ZNF333: variants seen among roughly 807,000 people sequenced by gnomAD.
The protein encoded by ZNF333 is zinc finger protein 333.
ZNF333 carries 61 observed loss-of-function variants against 76.1 expected under a neutral mutation model. That is an observed-to-expected ratio of 0.80 (90% confidence interval 0.65 to 0.99). ZNF333 has a LOEUF of 0.99. Ranked by LOEUF, ZNF333 falls within the 50% of genes least tolerant of loss-of-function variation. ZNF333 has a pLI of 0.00. For synonymous variants in ZNF333, 284 were observed against 305.0 expected (o/e 0.93, Z 0.72); for missense variants, 717 against 822.4 (o/e 0.87, Z 1.57).
At chr19:14,711,103 C>T (rs1269263019) in intron 7 of ZNF333, among the ~76,000 whole-genome samples, 1 of 152,146 alleles carries the variant, frequency 6.6e-6, no homozygotes, top group African/African-American at 2.4e-5. Flanking sequence ...GGATCTGCCC[C>T]CAAGTCCCGC....
chr19:14,717,739 G>A lies in ZNF333; in HGVS notation c.900+6G>A, dbSNP rs755830552. The A allele has an allele frequency of 7.4e-6, 12 of 1,613,028 alleles. No homozygotes were observed. In the African/African-American group the frequency reaches 1.6e-4, roughly 22 times the overall value. On this transcript the variant is annotated splice_donor_region_variant and intron_variant, in intron 11 of 11. Coordinates refer to ENST00000292530, the MANE Select transcript of ZNF333 (RefSeq NM_032433.4). ...TGTCCATTGATGTGAAAGGGGTAAG[G>A]CTCACCAGGGATTATTCATGGTTCT...
intron 7 of ZNF333, among the ~76,000 whole-genome samples, chr19:14,714,250 G>A (rs1000297069): frequency 5.9e-5 from 9 of 152,168 alleles, no homozygotes; most frequent in African/African-American, 2.2e-4. Flanking sequence ...ATTGGAAATA[G>A]GGTCTTTGCA....
rs1192121807 is a variant in ZNF333 at position 14,706,734 on chromosome 19, A to G, written c.472A>G (p.Thr158Ala). 1.2e-6 allele frequency: 2 copies of G among 1,614,010 alleles called. No individual in the cohort carries two copies. Among genetic ancestry groups the G allele is most frequent in the Non-Finnish European group, 1.7e-6 (2 of 1,179,998 alleles). The change falls in exon 7 of 12, where the codon ACT (threonine) becomes GCT (alanine). Residue 158 changes from threonine (T) to alanine (A), a missense_variant. Physicochemically the swap from Thr to Ala is moderately conservative, Grantham distance 58 (BLOSUM62 0). Coordinates refer to ENST00000292530, the MANE Select transcript of ZNF333 (RefSeq NM_032433.4). ...TCAGAGGGTGGTGATACCAGTGCCT[A>G]CTCTGGGCCACCGCAACCCATGGGT... is the stretch of plus-strand genomic sequence containing the variant. ...QIQRVVIPVP[T>A]LGHRNPWVAR... is the part of the protein sequence containing the mutation.
rs748154333 is a variant in ZNF333, at chr19:14,718,405, C to T, written c.1078C>T (p.Arg360Cys). ...SAHLIVPEKI[R>C]SGDKSYACNK... ...CCACCTAATTGTGCCCGAGAAAATC[C>T]GTAGTGGGGATAAATCCTATGCATG... Residue 360 changes from arginine (R) to cysteine (C), a missense_variant, in exon 12 of 12, where the codon CGT (arginine) becomes TGT (cysteine). Coordinates refer to ENST00000292530, the MANE Select transcript of ZNF333 (RefSeq NM_032433.4). 105 of 1,613,980 alleles carry T rather than the reference C, an allele frequency of 6.5e-5. No individual in the cohort carries two copies. The highest frequency in any genetic ancestry group is 4.5e-5 in the East Asian group (2 of 44,894).
At position 14,718,591 on chromosome 19, in the gene ZNF333, T is replaced by G; in HGVS notation, c.1264T>G (p.Phe422Val). ...GAGAACCCATACCGGAGAGAAGCCA[T>G]TTGAATGTAGTCAGTGTGGGAAAAC... ...HMRTHTGEKPFECSQCGKTFT... is the reference protein window; with the variant it reads ...HMRTHTGEKPVECSQCGKTFT... The change falls in exon 12 of 12, where the codon TTT (phenylalanine) becomes GTT (valine). Residue 422 changes from phenylalanine (F) to valine (V), a missense_variant. Transcript: ENST00000292530. 6.2e-7 allele frequency: 1 copy of G among 1,613,774 alleles called. No homozygotes were observed. The highest frequency in any genetic ancestry group is 8.5e-7 in the Non-Finnish European group (1 of 1,179,992).
chr19:14,693,495 G>A lies in ZNF333; in HGVS notation c.3+1G>A. ...CTCAAACCCTGGCTCCAGTGTCATGGTGAGGAAACTGGGGGCTCCTGTGGC... is the reference window on the plus strand; with the variant it reads ...CTCAAACCCTGGCTCCAGTGTCATGATGAGGAAACTGGGGGCTCCTGTGGC... On this transcript the variant is annotated splice_donor_variant, in intron 2 of 11. Coordinates refer to ENST00000292530, the MANE Select transcript of ZNF333 (RefSeq NM_032433.4). LOFTEE classifies it high-confidence loss of function. 2 of 1,602,386 alleles carry A rather than the reference G, an allele frequency of 1.2e-6. No individual in the cohort carries two copies. Among genetic ancestry groups the A allele is most frequent in the Non-Finnish European group, 1.7e-6 (2 of 1,171,470 alleles).
intron 7 of ZNF333, 89 bp downstream of exon 7, chr19:14,706,862 T>A (rs890747470): frequency 5.0e-5 from 56 of 1,110,166 alleles, no homozygotes; most frequent in Admixed American, 4.3e-4. Flanking sequence ...CTGCCTGCAT[T>A]TCCTCTGACT....
intron 1 of ZNF333, among the ~76,000 whole-genome samples, chr19:14,691,940 G>A (rs1972806579): frequency 6.6e-6 from 1 of 152,184 alleles, no homozygotes; most frequent in Admixed American, 6.5e-5. Context: ...GCCTCCCAAA[G>A]TGCTGGGATT....
chr19:14,703,945 T>G (rs991038580), intron 5 of ZNF333, among the ~76,000 whole-genome samples: 2 of 152,120 alleles, frequency 1.3e-5, no homozygotes, highest in Non-Finnish European at 2.9e-5. Flanking sequence ...TGCTTTCTTT[T>G]TTGGTTTTTG....
intron 7 of ZNF333, among the ~76,000 whole-genome samples, chr19:14,707,549 CTT>C (rs751633025): frequency 5.2e-5 from 6 of 115,674 alleles, no homozygotes; most frequent in African/African-American, 1.0e-4. Flanking sequence ...AGCTTTGTTT[CTT>C]TTTTTTTTTT....
At chr19:14,709,086 G>A (rs2042201645) in intron 7 of ZNF333, 1 of 152,746 alleles carries the variant, frequency 6.5e-6, no homozygotes, top group Non-Finnish European at 1.5e-5. Context: ...TTAAAAGTGT[G>A]TAGCACCTCC....
chr19:14,711,184 T>A (rs1204913811), intron 7 of ZNF333, among the ~76,000 whole-genome samples: 3 of 152,154 alleles, frequency 2.0e-5, no homozygotes, highest in Non-Finnish European at 2.9e-5. Context: ...TTCCAGACTT[T>A]CAGAAGGAAA....
At chr19:14,711,917 G>A (rs1391275084) in intron 7 of ZNF333, among the ~76,000 whole-genome samples, 3 of 152,060 alleles carry the variant, frequency 2.0e-5, no homozygotes, top group African/African-American at 7.2e-5. Flanking sequence ...TCCTATCAGA[G>A]AAAAGGAGAG....
At chr19:14,714,822 T>G (rs1212004494) in intron 7 of ZNF333, 1 of 152,994 alleles carries the variant, frequency 6.5e-6, no homozygotes, top group African/African-American at 2.4e-5. Flanking sequence ...TAAGGCAGAC[T>G]TGCAGGTTGG....
At chr19:14,731,232 G>A (rs758453878) in exon 12 of ZNF333, 9 of 1,519,152 alleles carry the variant, frequency 5.9e-6, no homozygotes, top group East Asian at 4.9e-5. Flanking sequence ...TGTTCAGATC[G>A]CTAGAATCCA....
At chr19:14,699,335 C>T (rs1025093432) in intron 5 of ZNF333, 54 bp downstream of exon 5, 12 of 1,495,094 alleles carry the variant, frequency 8.0e-6, no homozygotes, top group African/African-American at 2.8e-5. Context: ...TTGAGGAACA[C>T]GTGAGGTGGA....
At chr19:14,693,630 ATCC>A in intron 2 of ZNF333, 136 bp downstream of exon 2, 1 of 1,099,428 alleles carries the variant, frequency 9.1e-7, no homozygotes, top group Non-Finnish European at 1.3e-6. Context: ...GAGCATCCTC[ATCC>A]CTGCCCTAGG....
intron 6 of ZNF333, chr19:14,706,176 TG>T (rs1257598768): frequency 4.4e-6 from 2 of 457,452 alleles, no homozygotes; most frequent in South Asian, 3.1e-5. Context: ...GACAGGCACC[TG>T]GGCTCCACCC....
At chr19:14,695,526 C>A in intron 3 of ZNF333, 40 bp from the exon 4 acceptor site, 1 of 1,579,720 alleles carries the variant, frequency 6.3e-7, no homozygotes, top group Non-Finnish European at 8.7e-7. Context: ...CCCCTGCAAG[C>A]CCTCTCTCTC....
Sources: gnomAD v4.1 joint callset for allele counts (sites outside exome capture counted in the v4.1 genomes callset) on GRCh38, gnomAD v4.1.1 for gene constraint, MANE v1.5 for transcripts, NCBI Gene and HGNC (gene_info 2026-07-23, HGNC 2026-07-21) for gene names.